TMPRSS11D: variants seen among roughly 807,000 people sequenced by gnomAD.
TMPRSS11D encodes the protein transmembrane serine protease 11D.
In TMPRSS11D, 32 loss-of-function variants were observed where a neutral mutation model predicts 44.4. That is an observed-to-expected ratio of 0.72 (90% CI 0.54 to 0.97). The LOEUF is 0.97. Ranked by LOEUF, TMPRSS11D falls within the 50% of genes least tolerant of loss-of-function variation. The pLI, the probability that TMPRSS11D is intolerant of heterozygous loss-of-function variation, is 0.00. For synonymous variants in TMPRSS11D, 179 were observed against 177.9 expected, an observed-to-expected ratio of 1.01 and a Z score of -0.05; for missense variants, 446 against 502.6, an observed-to-expected ratio of 0.89 and a Z score of 1.08.
Position 67,842,555 on chromosome 4 carries a change from C to CA in TMPRSS11D, c.317+2dup. 1 of 1,611,562 alleles carries CA rather than the reference C, an allele frequency of 6.2e-7. No homozygotes were observed. Among genetic ancestry groups the CA allele is most frequent in the Non-Finnish European group, 8.5e-7 (1 of 1,179,080 alleles). On this transcript the variant is annotated splice_region_variant and intron_variant, in intron 4 of 9. Coordinates refer to ENST00000283916, the MANE Select transcript of TMPRSS11D (RefSeq NM_004262.3). ...TAAATATTTTTTCTACAGTTCCACTCACCTCAGTTTGGCAACATGAGCTCT... is the reference window on the plus strand; with the variant it reads ...TAAATATTTTTTCTACAGTTCCACTCAACCTCAGTTTGGCAACATGAGCTCT...
chr4:67,848,003 C>T (rs1348500476), intron 3 of TMPRSS11D, among the ~76,000 whole-genome samples: 1 of 152,188 alleles, frequency 6.6e-6, no homozygotes, highest in African/African-American at 2.4e-5. Context: ...CTTTCAGTAA[C>T]AATCAATTCT....
rs141404177 is a variant in TMPRSS11D, at chr4:67,851,217, A to G, written c.249+2851T>C. Among the ~76,000 whole-genome samples the G allele has an allele frequency of 1.5e-4, 23 of 152,298 alleles. No homozygotes were observed. The East Asian group carries it at 4.2e-3, about 28-fold the overall frequency. ...TGCAGCCATTCCGTTCCCTCTGCAC[A>G]TTCACTTAGATGGTGGGTCCAGAGT... is the stretch of plus-strand genomic sequence containing the variant. On this transcript the variant is annotated intron_variant, in intron 3 of 9. Transcript: ENST00000283916.
intron 9 of TMPRSS11D, 46 bp downstream of exon 9, chr4:67,825,686 A>G: frequency 1.2e-6 from 2 of 1,601,896 alleles, no homozygotes; most frequent in East Asian, 2.2e-5. Context: ...GGAAGTGCTT[A>G]TACACTTCTT....
At chr4:67,883,206 T>G (rs1459468831) in intron 1 of TMPRSS11D, among the ~76,000 whole-genome samples, 1 of 152,010 alleles carries the variant, frequency 6.6e-6, no homozygotes, top group Non-Finnish European at 1.5e-5. Context: ...TGTTTTCCTG[T>G]AGTCATAGAA....
chr4:67,877,947 A>G (rs1017727572), intron 1 of TMPRSS11D, among the ~76,000 whole-genome samples: 1 of 152,234 alleles, frequency 6.6e-6, no homozygotes, highest in South Asian at 2.1e-4. Context: ...ATCATGGCAC[A>G]TGTATACCTA....
chr4:67,832,813 T>C (rs1384539463), intron 7 of TMPRSS11D, among the ~76,000 whole-genome samples: 2 of 151,888 alleles, frequency 1.3e-5, no homozygotes, highest in African/African-American at 4.8e-5. Context: ...TTCGCTAACA[T>C]TTAACGTATG....
At position 67,838,207 on chromosome 4, in the gene TMPRSS11D, C is replaced by G; in HGVS notation, c.440G>C (p.Gly147Ala). ...SVLRQMLNNS[G>A]NLEINPSTEI... ...AGTTGAAGGGTTTATTTCCAGGTTT[C>G]CAGAGTTATTCAGCATTTGTCGTAA... The change falls in exon 5 of 10, where the codon GGA (glycine) becomes GCA (alanine). Residue 147 changes from glycine (G) to alanine (A), a missense_variant. Coordinates refer to ENST00000283916, the MANE Select transcript of TMPRSS11D (RefSeq NM_004262.3). 1 of 1,584,446 alleles carries G rather than the reference C, an allele frequency of 6.3e-7. No homozygotes were observed. Among genetic ancestry groups the G allele is most frequent in the East Asian group, 2.3e-5 (1 of 43,222 alleles).
At chr4:67,826,679 G>A (rs1315461683) in intron 8 of TMPRSS11D, among the ~76,000 whole-genome samples, 1 of 151,642 alleles carries the variant, frequency 6.6e-6, no homozygotes. Context: ...CCATTGCTTT[G>A]GGAGGCCAAC....
At chr4:67,831,081 T>C (rs1015171193) in intron 7 of TMPRSS11D, among the ~76,000 whole-genome samples, 6 of 152,112 alleles carry the variant, frequency 3.9e-5, no homozygotes, top group African/African-American at 9.7e-5. Flanking sequence ...TAAGTAATTA[T>C]GGTCTCTTTC....
At chr4:67,857,272 T>C (rs1577822276) in intron 2 of TMPRSS11D, among the ~76,000 whole-genome samples, 1 of 4,864 alleles carries the variant, frequency 2.1e-4, no homozygotes, top group African/African-American at 3.0e-4. Context: ...GAAAATATGG[T>C]ATATATATAT....
At position 67,822,306 on chromosome 4, in the gene TMPRSS11D, C is replaced by T. The variant is rs1199650064; in HGVS notation, c.*31G>A. On this transcript the variant is annotated 3_prime_UTR_variant, in exon 10 of 10. Transcript: ENST00000283916. ...AATTTAAGACAGGCACACCTGCATACAGACTTTGCAACAGGGATGCACTTG... is the reference window on the plus strand; with the variant it reads ...AATTTAAGACAGGCACACCTGCATATAGACTTTGCAACAGGGATGCACTTG... The T allele has an allele frequency of 1.2e-6, 2 of 1,609,352 alleles. No individual in the cohort carries two copies. The highest frequency in any genetic ancestry group is 1.7e-6 in the Non-Finnish European group (2 of 1,176,410).
intron 1 of TMPRSS11D, among the ~76,000 whole-genome samples, chr4:67,875,819 G>A (rs925075180): frequency 1.3e-5 from 2 of 152,228 alleles, no homozygotes; most frequent in East Asian, 1.9e-4. Context: ...CCCTATGTCA[G>A]TGGTTGGTAA....
At chr4:67,870,765 G>C (rs1719039754) in intron 1 of TMPRSS11D, among the ~76,000 whole-genome samples, 1 of 146,688 alleles carries the variant, frequency 6.8e-6, no homozygotes, top group Admixed American at 6.9e-5. Flanking sequence ...AGTGAGCGGA[G>C]ATGGCGCCAC....
chr4:67,826,354 C>A (rs1225279817), intron 8 of TMPRSS11D, among the ~76,000 whole-genome samples: 2 of 151,996 alleles, frequency 1.3e-5, no homozygotes, highest in Non-Finnish European at 2.9e-5. Context: ...TTACTTTGGG[C>A]CATAAGAACA....
chr4:67,842,574 G>GT lies in TMPRSS11D; in HGVS notation c.300_301insA (p.His101ThrfsTer10), dbSNP rs1394437166. The GT allele has an allele frequency of 2.2e-5, 35 of 1,610,116 alleles. No individual in the cohort carries two copies. Among genetic ancestry groups the GT allele is most frequent in the Non-Finnish European group, 3.0e-5 (35 of 1,179,068 alleles). On this transcript the variant is annotated frameshift_variant, in exon 4 of 10. Coordinates refer to ENST00000283916, the MANE Select transcript of TMPRSS11D (RefSeq NM_004262.3). LOFTEE classifies it high-confidence loss of function. ...TCCACTCACCTCAGTTTGGCAACAT[G>GT]AGCTCTGATGAACTGATTTCTTAAA... is the stretch of plus-strand genomic sequence containing the variant.
chr4:67,842,874 T>A (rs1718265110), intron 3 of TMPRSS11D, among the ~76,000 whole-genome samples: 1 of 152,210 alleles, frequency 6.6e-6, no homozygotes, highest in Admixed American at 6.5e-5. Flanking sequence ...CTAGAAGTCA[T>A]TCTAAACACA....
intron 2 of TMPRSS11D, among the ~76,000 whole-genome samples, chr4:67,857,393 C>T (rs939561951): frequency 6.7e-6 from 1 of 148,890 alleles, no homozygotes; most frequent in African/African-American, 2.5e-5. Context: ...GAAATCTTGT[C>T]ATCTGCAGCA....
rs976885052 is a variant in TMPRSS11D at position 67,859,785 on chromosome 4, T to G, written c.9-107A>C. 2.5e-5 allele frequency: 36 copies of G among 1,436,152 alleles called. No homozygotes were observed. The African/African-American group carries it at 3.9e-4, about 16-fold the overall frequency. 89.0% of individuals were successfully genotyped at this position (1,436,152 alleles called of 1,614,324 possible). Reference sequence around the variant, plus strand: ...CTTTCCCGGTCTCTTATCTGGGACATGGCTCTAGCCATAGAAACATATTCG... The same window carrying G: ...CTTTCCCGGTCTCTTATCTGGGACAGGGCTCTAGCCATAGAAACATATTCG... On this transcript the variant is annotated intron_variant, in intron 1 of 9. Transcript: ENST00000283916.
At chr4:67,864,340 T>C (rs1179782328) in intron 1 of TMPRSS11D, among the ~76,000 whole-genome samples, 1 of 151,998 alleles carries the variant, frequency 6.6e-6, no homozygotes, top group Non-Finnish European at 1.5e-5. Context: ...TTTTCTATTC[T>C]TCTGTAGTAA....
Sources: gnomAD v4.1 joint callset for allele counts (sites outside exome capture counted in the v4.1 genomes callset) on GRCh38, gnomAD v4.1.1 for gene constraint, MANE v1.5 for transcripts, NCBI Gene and HGNC (gene_info 2026-07-23, HGNC 2026-07-21) for gene names.